The following EIF4A3 variants were observed in gnomAD, a reference collection of about 807,000 sequenced individuals.
The protein encoded by EIF4A3 is eukaryotic initiation factor 4A-III.
EIF4A3 carries 1 observed loss-of-function variant against 55.6 expected under a neutral mutation model. That is an observed-to-expected ratio of 0.02 (90% CI 0.01 to 0.09). The LOEUF is 0.09. EIF4A3 is among the 10% of genes least tolerant of loss of function. EIF4A3 has a pLI of 1.00. For missense variants in EIF4A3, 221 were observed against 540.7 expected (o/e 0.41, Z 5.86); for synonymous variants, 194 against 196.3 (o/e 0.99, Z 0.10).
chr17:80,135,370 C>A lies in EIF4A3; in HGVS notation c.*120G>T. 8.6e-7 allele frequency: 1 copy of A among 1,169,476 alleles called. No homozygotes were observed. The allele number at this position is 1,169,476 out of a possible 1,614,324, so 72.4% of individuals were successfully genotyped here. A position where few individuals can be genotyped will look rare whatever the true frequency, so the allele number is the denominator to read the frequency against. ...ATCCTCTTCAAAGGAAGGGAGACGG[C>A]AGGCCATTTATGAGAAGAAAGTCCA... On this transcript the variant is annotated 3_prime_UTR_variant, in exon 12 of 12. Transcript: ENST00000649764.
In EIF4A3 at chr17:80,144,327, G is replaced by T. The variant is rs112150334; in HGVS notation, c.170-83C>A. The T allele has an allele frequency of 1.4e-3, 1,929 of 1,382,958 alleles. 27 individuals are homozygous for T. The African/African-American group carries it at 0.023, about 17-fold the overall frequency. 85.7% of individuals were successfully genotyped at this position (1,382,958 alleles called of 1,614,324 possible). A position where few individuals can be genotyped will look rare whatever the true frequency, so the allele number is the denominator to read the frequency against. On this transcript the variant is annotated intron_variant, in intron 1 of 11. Coordinates refer to ENST00000649764, the MANE Select transcript of EIF4A3 (RefSeq NM_014740.4). ...CTGTGAGCTCCTCAGGGGCAGACAT[G>T]GTTTGTTTTTTGAACCTGTCCTCCA... is the stretch of plus-strand genomic sequence containing the variant.
At chr17:80,139,209 C>T (rs1263556669) in intron 6 of EIF4A3, 47 bp from the exon 7 acceptor site, 5 of 1,605,910 alleles carry the variant, frequency 3.1e-6, no homozygotes, top group Admixed American at 3.4e-5. Flanking sequence ...GGCGGCACAC[C>T]CAGAAATGGA....
chr17:80,147,007 CG>C lies in EIF4A3; in HGVS notation c.-47del, dbSNP rs2039672435. The C allele has an allele frequency of 7.1e-7, 1 of 1,416,016 alleles. No homozygotes were observed. The highest frequency in any genetic ancestry group is 1.6e-5 in the African/African-American group (1 of 61,886). The allele number at this position is 1,416,016 out of a possible 1,614,324, so 87.7% of individuals were successfully genotyped here. A position where few individuals can be genotyped will look rare whatever the true frequency, so the allele number is the denominator to read the frequency against. Reference sequence around the variant, plus strand: ...GCACAGCGCGCGCCGCTGCCGACCTCGCTGCCGCTGCCGACCTCGCTGTGCC... The same window carrying C: ...GCACAGCGCGCGCCGCTGCCGACCTCCTGCCGCTGCCGACCTCGCTGTGCC... On this transcript the variant is annotated 5_prime_UTR_variant, in exon 1 of 12. Coordinates refer to ENST00000649764, the MANE Select transcript of EIF4A3 (RefSeq NM_014740.4).
In EIF4A3 at chr17:80,139,989, T is replaced by C. The variant is rs751353126; in HGVS notation, c.505+19A>G. 9.3e-6 allele frequency: 15 copies of C among 1,606,604 alleles called. 1 individual carries two copies. In the Admixed American group the frequency reaches 1.0e-4, roughly 11 times the overall value. ...CAAATACTACCGGCAGCACCATTTT[T>C]AGCGACAAAAGTGCTTACCAAAAAC... On this transcript the variant is annotated intron_variant, in intron 5 of 11. Transcript: ENST00000649764.
rs1232491099 is a variant in EIF4A3, at chr17:80,144,169, T to C, written c.242+3A>G. 6 of 1,614,078 alleles carry C rather than the reference T, an allele frequency of 3.7e-6. No individual in the cohort carries two copies. The highest frequency in any genetic ancestry group is 5.1e-6 in the Non-Finnish European group (6 of 1,179,984). On this transcript the variant is annotated splice_donor_region_variant and intron_variant, in intron 2 of 11. Coordinates refer to ENST00000649764, the MANE Select transcript of EIF4A3 (RefSeq NM_014740.4). ...CCCTGCGCCGCACCCCAGGACAACT[T>C]ACTGTGCGATGACATCTCTCCCTTT...
intron 1 of EIF4A3, 38 bp downstream of exon 1, chr17:80,146,755 T>A: frequency 6.3e-7 from 1 of 1,590,066 alleles, no homozygotes; most frequent in Non-Finnish European, 8.5e-7. Flanking sequence ...CGCCCCCGAC[T>A]CGCCCCCGGC....
intron 4 of EIF4A3, 87 bp downstream of exon 4, chr17:80,141,232 T>C: frequency 7.3e-7 from 1 of 1,376,576 alleles, no homozygotes; most frequent in Non-Finnish European, 1.0e-6. Context: ...AAAACAGGAT[T>C]GGATTAAATA....
At position 80,136,068 on chromosome 17, in the gene EIF4A3, G is replaced by A. The variant is rs2039567759; in HGVS notation, c.1155C>T (p.Asp385=). The change falls in exon 11 of 12, where the codon GAC becomes GAT. Residue 385 remains aspartate, a synonymous_variant. Transcript: ENST00000649764. ...GCTCGATATCTCTGAGGATGCGGATGTCGTCATTCTTTACAAAGTTAATGG... is the reference window on the plus strand; with the variant it reads ...GCTCGATATCTCTGAGGATGCGGATATCGTCATTCTTTACAAAGTTAATGG... ...GVAINFVKND[D]IRILRDIEQY... 8 of 1,614,152 alleles carry A rather than the reference G, an allele frequency of 5.0e-6. No homozygotes were observed. The highest frequency in any genetic ancestry group is 3.3e-5 in the South Asian group (3 of 91,082).
chr17:80,143,284 C>G (rs1393580275), intron 2 of EIF4A3, among the ~76,000 whole-genome samples: 1 of 152,142 alleles, frequency 6.6e-6, no homozygotes, highest in African/African-American at 2.4e-5. Flanking sequence ...CTCTGCAGTA[C>G]CCTTTATAAT....
At chr17:80,144,494 G>A (rs1303086034) in intron 1 of EIF4A3, among the ~76,000 whole-genome samples, 2 of 148,670 alleles carry the variant, frequency 1.3e-5, no homozygotes, top group Admixed American at 1.3e-4. Context: ...GTAGAATATA[G>A]ACAACAGTTT....
chr17:80,138,607 TTTTG>T lies in EIF4A3; in HGVS notation c.729-331_729-328del, dbSNP rs1225704035. The T allele has an allele frequency of 2.0e-5, 7 of 353,034 alleles. No homozygotes were observed. In the East Asian group the frequency reaches 2.8e-4, roughly 14 times the overall value. The allele number at this position is 353,034 out of a possible 1,614,324, so 21.9% of individuals were successfully genotyped here. ...GGATTATAAAAGATGGGTTGTTTTGTTTTGTTTGAGACAGGGTCTTGCTCTGTTG... is the reference window on the plus strand; with the variant it reads ...GGATTATAAAAGATGGGTTGTTTTGTTTTGAGACAGGGTCTTGCTCTGTTG... On this transcript the variant is annotated intron_variant, in intron 7 of 11. Coordinates refer to ENST00000649764, the MANE Select transcript of EIF4A3 (RefSeq NM_014740.4).
chr17:80,144,115 T>G (rs2039639745), intron 2 of EIF4A3, 57 bp downstream of exon 2: 2 of 1,537,138 alleles, frequency 1.3e-6, no homozygotes, highest in Non-Finnish European at 1.8e-6. Context: ...AGCATCTAAC[T>G]GCACTGCGCT....
At chr17:80,138,578 A>G (rs1338834613) in intron 7 of EIF4A3, 3 of 390,954 alleles carry the variant, frequency 7.7e-6, no homozygotes, top group South Asian at 3.6e-5. Context: ...TCAAACCACA[A>G]TGAGGATTAT....
intron 9 of EIF4A3, chr17:80,136,554 G>GCTC (rs2039572018): frequency 3.7e-6 from 2 of 546,134 alleles, no homozygotes; most frequent in African/African-American, 3.8e-5. Flanking sequence ...TCGGTCATGT[G>GCTC]CTCCATCAGA....
chr17:80,141,264 T>C, intron 4 of EIF4A3, 55 bp downstream of exon 4: 1 of 1,533,700 alleles, frequency 6.5e-7, no homozygotes, highest in South Asian at 1.2e-5. Flanking sequence ...GTTTCACAAC[T>C]AAATCACAAA....
intron 1 of EIF4A3, 90 bp from the exon 2 acceptor site, chr17:80,144,334 T>C: frequency 2.5e-6 from 3 of 1,217,302 alleles, no homozygotes; most frequent in Non-Finnish European, 3.6e-6. Flanking sequence ...CATGGTTTGT[T>C]TTTTGAACCT....
chr17:80,147,120 CCTCGCTGTGCCGCTGCCGAG>C, exon 1 of EIF4A3: 3 of 1,055,478 alleles, frequency 2.8e-6, no homozygotes, highest in Non-Finnish European at 3.8e-6. Flanking sequence ...CCGCTGCCGA[CCTCGCTGTGCCGCTGCCGAG>C]AACAGACGCC....
chr17:80,141,369 G>T lies in EIF4A3; in HGVS notation c.322C>A (p.Gln108Lys). The change falls in exon 4 of 12, where the codon CAA becomes AAA. Residue 108 changes from glutamine to lysine, a missense_variant. Physicochemically the swap from Gln to Lys is moderately conservative, Grantham distance 53 (BLOSUM62 1). Coordinates refer to ENST00000649764, the MANE Select transcript of EIF4A3 (RefSeq NM_014740.4). ...CTTGTGGGAGCCAAGATCAAAGCTT[G>T]AGTTTCACGAACCTGGTGAAATAAT... Reference protein sequence around the residue: ...QCLDIQVRETQALILAPTREL... With the variant: ...QCLDIQVRETKALILAPTREL... 1 of 1,613,844 alleles carries T rather than the reference G, an allele frequency of 6.2e-7. No homozygotes were observed. The highest frequency in any genetic ancestry group is 1.1e-5 in the South Asian group (1 of 91,064).
Position 80,135,341 on chromosome 17 carries a change from C to T in EIF4A3, c.*149G>A. The T allele has an allele frequency of 2.7e-6, 2 of 748,074 alleles. No individual in the cohort carries two copies. The highest frequency in any genetic ancestry group is 4.4e-5 in the South Asian group (2 of 45,930). 46.3% of individuals were successfully genotyped at this position (748,074 alleles called of 1,614,324 possible). A position where few individuals can be genotyped will look rare whatever the true frequency, so the allele number is the denominator to read the frequency against. ...TAAATAAGAAAAGAGAGCAGAATCCCCATATCCTCTTCAAAGGAAGGGAGA... is the reference window on the plus strand; with the variant it reads ...TAAATAAGAAAAGAGAGCAGAATCCTCATATCCTCTTCAAAGGAAGGGAGA... On this transcript the variant is annotated 3_prime_UTR_variant, in exon 12 of 12. Transcript: ENST00000649764.
Sources: allele counts gnomAD v4.1 joint callset (sites outside exome capture counted in the v4.1 genomes callset), GRCh38; gene constraint gnomAD v4.1.1; transcripts MANE v1.5; gene names NCBI Gene and HGNC (gene_info 2026-07-23, HGNC 2026-07-21).